RLF: variants seen among roughly 807,000 people sequenced by gnomAD.
RLF encodes the protein zinc finger protein Rlf.
RLF carries 7 observed loss-of-function variants against 162.9 expected under a neutral mutation model. The observed-to-expected ratio is 0.04, with a 90% confidence interval of 0.02 to 0.08. The LOEUF (loss-of-function observed/expected upper bound fraction) is 0.08, where lower values mean the gene tolerates loss of function less well. Among genes scored for constraint, RLF ranks in the 10% least tolerant of loss-of-function variants. RLF has a pLI of 1.00. For missense variants in RLF, 1,664 were observed against 2,244.7 expected (o/e 0.74, Z 5.23); for synonymous variants, 782 against 791.5 (o/e 0.99, Z 0.20).
intron 7 of RLF, 100 bp downstream of exon 7, chr1:40,231,758 A>G: frequency 9.1e-7 from 1 of 1,099,764 alleles, no homozygotes; most frequent in Non-Finnish European, 1.3e-6. Flanking sequence ...GATAAGAAAT[A>G]ATGAGTTTTA....
At chr1:40,175,081 A>G (rs1030000034) in intron 1 of RLF, among the ~76,000 whole-genome samples, 1 of 148,840 alleles carries the variant, frequency 6.7e-6, no homozygotes, top group African/African-American at 2.5e-5. Flanking sequence ...TGTCTTAGCT[A>G]TTTGGGAGGC....
Position 40,236,505 on chromosome 1 carries a change from G to A in RLF, c.1803G>A (p.Val601=), listed in dbSNP as rs766245952. 13 of 1,613,694 alleles carry A rather than the reference G, an allele frequency of 8.1e-6. No homozygotes were observed. Among genetic ancestry groups the A allele is most frequent in the Non-Finnish European group, 1.0e-5 (12 of 1,179,924 alleles). Reference sequence around the variant, plus strand: ...GAAAAGAAATGTTTGTTCCTCATGTGATGGAGCATGTTAAAATGCCACCAA... The same window carrying A: ...GAAAAGAAATGTTTGTTCCTCATGTAATGGAGCATGTTAAAATGCCACCAA... ...FKRKEMFVPH[V]MEHVKMPPSR... is the part of the protein sequence containing the mutation. The change falls in exon 8 of 8, where the codon GTG becomes GTA. Residue 601 remains valine, a synonymous_variant. Coordinates refer to ENST00000372771, the MANE Select transcript of RLF (RefSeq NM_012421.4). This position sits in a 1 kb window ranked among gnomAD's most constrained non-coding sequence, Gnocchi z 7.7.
At chr1:40,211,035 A>C (rs1642858181) in intron 5 of RLF, among the ~76,000 whole-genome samples, 1 of 152,254 alleles carries the variant, frequency 6.6e-6, no homozygotes. Flanking sequence ...ATAAAGCTTT[A>C]CTGGCACAAA....
At chr1:40,224,571 G>T (rs1489767366) in intron 6 of RLF, among the ~76,000 whole-genome samples, 46 of 119,156 alleles carry the variant, frequency 3.9e-4, no homozygotes, top group African/African-American at 1.3e-3. Flanking sequence ...ACTGCGCCTG[G>T]CCACATCTTT....
chr1:40,193,804 A>C (rs1428550210), intron 3 of RLF, among the ~76,000 whole-genome samples: 1 of 152,164 alleles, frequency 6.6e-6, no homozygotes, highest in African/African-American at 2.4e-5. Flanking sequence ...CTATTTTAAC[A>C]TGAAGGTTAA....
chr1:40,201,335 T>G (rs1356195006), intron 4 of RLF, among the ~76,000 whole-genome samples: 1 of 151,730 alleles, frequency 6.6e-6, no homozygotes, highest in African/African-American at 2.4e-5. Context: ...ATTCAAAAAT[T>G]GAGGGCTCGG....
At chr1:40,190,663 A>T in intron 2 of RLF, 109 bp from the exon 3 acceptor site, 1 of 695,630 alleles carries the variant, frequency 1.4e-6, no homozygotes, top group Non-Finnish European at 2.3e-6. Flanking sequence ...AAGAGTAAAA[A>T]CATTTAAAAT....
In RLF at chr1:40,238,456, A is replaced by C. The variant is rs1440972835; in HGVS notation, c.3754A>C (p.Ser1252Arg). 6.2e-7 allele frequency: 1 copy of C among 1,614,174 alleles called. No homozygotes were observed. The highest frequency in any genetic ancestry group is 1.1e-5 in the South Asian group (1 of 91,084). ...PHCHPKKDEC[S>R]SETDLESSCE... Reference sequence around the variant, plus strand: ...CTGTCATCCTAAAAAGGATGAATGTAGTTCTGAAACAGATTTGGAATCATC... The same window carrying C: ...CTGTCATCCTAAAAAGGATGAATGTCGTTCTGAAACAGATTTGGAATCATC... The change falls in exon 8 of 8, where the codon AGT becomes CGT. Residue 1252 changes from serine to arginine, a missense_variant. Ser to Arg is a moderately radical substitution (Grantham distance 110). Around this residue, in one of 15 missense-constraint regions of RLF, gnomAD observed 102 missense variants for 109.5 expected, o/e 0.93. Coordinates refer to ENST00000372771, the MANE Select transcript of RLF (RefSeq NM_012421.4). This position sits in a 1 kb window ranked among gnomAD's most constrained non-coding sequence, Gnocchi z 5.2.
In RLF at chr1:40,190,775, T is replaced by G. The variant is rs1333281113; in HGVS notation, c.396T>G (p.Ser132Arg). ...VLLVLGRLVL[S>R]CFELLLSVSE... ...TACTTACTCATTTTTATTGTAGGAG[T>G]TGTTTCGAATTACTGCTTTCAGTGT... Residue 132 changes from serine to arginine, a missense_variant, in exon 3 of 8, where the codon AGT (serine) becomes AGG (arginine). Ser to Arg is a moderately radical substitution (Grantham distance 110). This residue lies in a region of RLF where 287 missense variants were observed against 404.9 expected (regional missense o/e 0.71). Coordinates refer to ENST00000372771, the MANE Select transcript of RLF (RefSeq NM_012421.4). 1.2e-6 allele frequency: 2 copies of G among 1,605,248 alleles called. No individual in the cohort carries two copies. The highest frequency in any genetic ancestry group is 1.7e-6 in the Non-Finnish European group (2 of 1,172,904).
intron 5 of RLF, among the ~76,000 whole-genome samples, chr1:40,204,589 T>G (rs1043976170): frequency 3.3e-5 from 5 of 151,960 alleles, no homozygotes; most frequent in Non-Finnish European, 5.9e-5. Flanking sequence ...TTTTTATTTA[T>G]TTTTTATTTT....
intron 2 of RLF, 38 bp downstream of exon 2, chr1:40,189,247 A>T (rs1278707670): frequency 6.4e-7 from 1 of 1,565,772 alleles, no homozygotes; most frequent in Non-Finnish European, 8.8e-7. Context: ...AAAATTGAGT[A>T]CCATTGGTCG....
intron 5 of RLF, among the ~76,000 whole-genome samples, chr1:40,215,759 T>G (rs922365790): frequency 6.6e-6 from 1 of 151,992 alleles, no homozygotes; most frequent in Non-Finnish European, 1.5e-5. Flanking sequence ...GAAAATACTT[T>G]GAGATGAATG....
chr1:40,225,468 ACC>A, intron 6 of RLF, among the ~76,000 whole-genome samples: 1 of 150,128 alleles, frequency 6.7e-6, no homozygotes, highest in Admixed American at 6.7e-5. Context: ...AATCCCAGCT[ACC>A]CTGGAGGCTG....
In RLF at chr1:40,237,472, G is replaced by A; in HGVS notation, c.2770G>A (p.Asp924Asn). 1.2e-6 allele frequency: 2 copies of A among 1,613,934 alleles called. No homozygotes were observed. Among genetic ancestry groups the A allele is most frequent in the Non-Finnish European group, 1.7e-6 (2 of 1,179,940 alleles). Residue 924 changes from aspartate to asparagine, a missense_variant, in exon 8 of 8, where the codon GAT (aspartate) becomes AAT (asparagine). Physicochemically the swap from Asp to Asn is conservative, Grantham distance 23. Coordinates refer to ENST00000372771, the MANE Select transcript of RLF (RefSeq NM_012421.4). The surrounding 1 kb of genome is among the most constrained non-coding windows in gnomAD (Gnocchi z 4.4). ...ACTAGATCACTCTGAAACTATGCAG[G>A]ATGTATTGTTATCTAATGAGAAAGT... ...DTLDHSETMQ[D>N]VLLSNEKVFG...
intron 5 of RLF, among the ~76,000 whole-genome samples, chr1:40,221,128 T>A (rs1642987820): frequency 6.6e-6 from 1 of 152,004 alleles, no homozygotes; most frequent in Non-Finnish European, 1.5e-5. Context: ...AGTAAGACAC[T>A]GTCTTAAAAA....
intron 5 of RLF, among the ~76,000 whole-genome samples, chr1:40,215,893 C>A (rs1337402872): frequency 1.3e-5 from 2 of 150,818 alleles, no homozygotes; most frequent in Non-Finnish European, 3.0e-5. Flanking sequence ...AAAAGAAGAG[C>A]AAATTAAACT....
intron 6 of RLF, among the ~76,000 whole-genome samples, chr1:40,225,281 A>C (rs1391170120): frequency 2.0e-5 from 3 of 152,170 alleles, no homozygotes; most frequent in Non-Finnish European, 4.4e-5. Flanking sequence ...TTTGAAATGT[A>C]AACTATGTAG....
Position 40,168,041 on chromosome 1 carries a change from CAA to C in RLF, c.237+6417_237+6418del, listed in dbSNP as rs575273856. Among the ~76,000 whole-genome samples, 12 of 128,950 alleles carry C rather than the reference CAA, an allele frequency of 9.3e-5. 1 individual carries two copies. The highest frequency in any genetic ancestry group is 4.4e-4 in the East Asian group (2 of 4,536). 84.6% of individuals were successfully genotyped at this position (128,950 alleles called of 152,430 possible). A position where few individuals can be genotyped will look rare whatever the true frequency, so the allele number is the denominator to read the frequency against. On this transcript the variant is annotated intron_variant, in intron 1 of 7. Transcript: ENST00000372771. ...TTCAAGACCAGCCTGGGCAACTCTA[CAA>C]AAAAAAAAAAATTAAAAATTAGCCA...
intron 4 of RLF, among the ~76,000 whole-genome samples, chr1:40,197,554 G>T (rs1410640671): frequency 2.6e-5 from 4 of 152,146 alleles, no homozygotes; most frequent in Non-Finnish European, 4.4e-5. Flanking sequence ...AATCAACTAT[G>T]TCACCCCACC....
Sources: gnomAD v4.1 joint callset for allele counts (sites outside exome capture counted in the v4.1 genomes callset) on GRCh38, gnomAD v4.1.1 for gene constraint, gnomAD v4.1.1 regional missense constraint, Gnocchi (gnomAD v3.1) non-coding constraint, MANE v1.5 for transcripts, NCBI Gene and HGNC (gene_info 2026-07-23, HGNC 2026-07-21) for gene names.